Variants in RAVER2 observed in about 807,000 individuals in gnomAD.
RAVER2 encodes ribonucleoprotein, PTB binding 2, also known as ribonucleoprotein PTB-binding 2.
Under a neutral mutation model 78.1 loss-of-function variants are expected in RAVER2, and 46 were observed. That is an observed-to-expected ratio of 0.59 (90% confidence interval 0.46 to 0.75). The LOEUF is 0.75. RAVER2 is among the 30% of genes least tolerant of loss of function. The pLI, the probability that RAVER2 is intolerant of heterozygous loss-of-function variation, is 0.00. For missense variants in RAVER2, 793 were observed against 837.5 expected, an observed-to-expected ratio of 0.95 and a Z score of 0.66; for synonymous variants, 311 against 313.3, an observed-to-expected ratio of 0.99 and a Z score of 0.08.
chr1:64,812,692 C>A, intron 9 of RAVER2, 46 bp from the exon 10 acceptor site: 1 of 1,244,746 alleles, frequency 8.0e-7, no homozygotes, highest in Non-Finnish European at 1.2e-6. Flanking sequence ...TTTTTATTTT[C>A]GTGTACCTCT....
chr1:64,771,719 A>G (rs548220098), intron 2 of RAVER2, among the ~76,000 whole-genome samples: 14 of 152,168 alleles, frequency 9.2e-5, no homozygotes, highest in African/African-American at 3.1e-4. Context: ...CCGTTTGACA[A>G]TTGACTGTGA....
chr1:64,799,269 T>G (rs1653191383), intron 5 of RAVER2, among the ~76,000 whole-genome samples: 1 of 152,344 alleles, frequency 6.6e-6, no homozygotes, highest in Admixed American at 6.5e-5. Flanking sequence ...TTTTTTCTTA[T>G]GGCTGAATAG....
At chr1:64,790,101 A>T (rs1403062164) in intron 5 of RAVER2, among the ~76,000 whole-genome samples, 1 of 152,198 alleles carries the variant, frequency 6.6e-6, no homozygotes, top group Non-Finnish European at 1.5e-5. Flanking sequence ...ACAACTTTTT[A>T]TGTACAAAAA....
At chr1:64,762,273 C>T (rs1260716338) in intron 1 of RAVER2, among the ~76,000 whole-genome samples, 1 of 151,968 alleles carries the variant, frequency 6.6e-6, no homozygotes, top group East Asian at 1.9e-4. Flanking sequence ...TTTAAGAAGA[C>T]CTAAATAAAT....
intron 1 of RAVER2, among the ~76,000 whole-genome samples, chr1:64,753,827 T>C (rs1055737761): frequency 2.0e-5 from 3 of 152,170 alleles, no homozygotes; most frequent in Non-Finnish European, 4.4e-5. Context: ...CGGCCTCTCA[T>C]TTTTAACTTA....
intron 11 of RAVER2, among the ~76,000 whole-genome samples, chr1:64,823,700 A>C (rs1191200090): frequency 1.3e-5 from 2 of 152,232 alleles, no homozygotes; most frequent in Non-Finnish European, 2.9e-5. Context: ...TAAAATAGGT[A>C]AAAATATATC....
chr1:64,804,954 A>T, intron 7 of RAVER2, 37 bp from the exon 8 acceptor site: 1 of 1,585,488 alleles, frequency 6.3e-7, no homozygotes. Flanking sequence ...GTTATATCTT[A>T]TGGCCATGGG....
In RAVER2 at chr1:64,777,633, C is replaced by T. The variant is rs138011893; in HGVS notation, c.327C>T (p.Thr109=). 5.6e-4 allele frequency: 904 copies of T among 1,606,048 alleles called. 9 individuals are homozygous for T. The African/African-American group carries it at 0.01, about 18-fold the overall frequency. The change falls in exon 3 of 12, where the codon ACC becomes ACT. Residue 109 remains threonine (T), a synonymous_variant. Transcript: ENST00000294428. ...TTCGTTATCTTCCAGCTTTTGTTAC[C>T]TTATTGAATGGGGAACAAGCCCAGA...
At chr1:64,777,182 A>C (rs974020781) in intron 2 of RAVER2, among the ~76,000 whole-genome samples, 9 of 152,164 alleles carry the variant, frequency 5.9e-5, no homozygotes, top group Admixed American at 5.9e-4. Flanking sequence ...AGGCTCTTTT[A>C]GAACTCTTTC....
chr1:64,759,511 GC>G (rs1651956307), intron 1 of RAVER2, among the ~76,000 whole-genome samples: 1 of 149,678 alleles, frequency 6.7e-6, no homozygotes, highest in South Asian at 2.1e-4. Context: ...GAGCCACCGC[GC>G]CCGGCCTATT....
At chr1:64,833,095 T>TGTC (rs1326046288) in exon 12 of RAVER2, 6 of 168,594 alleles carry the variant, frequency 3.6e-5, no homozygotes, top group Non-Finnish European at 7.6e-5. Flanking sequence ...CAAGTGGTGT[T>TGTC]TGTTTGTTTG....
At chr1:64,752,099 C>G (rs1158958860) in intron 1 of RAVER2, among the ~76,000 whole-genome samples, 1 of 152,154 alleles carries the variant, frequency 6.6e-6, no homozygotes, top group African/African-American at 2.4e-5. Flanking sequence ...TGAATAGCTT[C>G]CATTTGCTCT....
At chr1:64,827,739 T>C (rs1654034479) in intron 11 of RAVER2, among the ~76,000 whole-genome samples, 1 of 152,236 alleles carries the variant, frequency 6.6e-6, no homozygotes, top group Non-Finnish European at 1.5e-5. Context: ...TTAAATCACA[T>C]ATAATCTGTG....
intron 1 of RAVER2, among the ~76,000 whole-genome samples, chr1:64,750,551 C>T (rs934537486): frequency 1.1e-4 from 16 of 151,922 alleles, no homozygotes; most frequent in Non-Finnish European, 2.1e-4. Flanking sequence ...ATAAAAGCTA[C>T]GTATTCCTGT....
chr1:64,750,950 A>G (rs1054302125), intron 1 of RAVER2, among the ~76,000 whole-genome samples: 20 of 152,172 alleles, frequency 1.3e-4, no homozygotes, highest in Non-Finnish European at 2.8e-4. Flanking sequence ...GTACTTCTAG[A>G]TTTCTGGGAC....
chr1:64,823,739 C>T (rs1653939819), intron 11 of RAVER2, among the ~76,000 whole-genome samples: 1 of 151,694 alleles, frequency 6.6e-6, no homozygotes, highest in Admixed American at 6.6e-5. Flanking sequence ...TGACATAGTC[C>T]CAATAATGTA....
chr1:64,803,371 TAACTC>T (rs1307458292), intron 6 of RAVER2, among the ~76,000 whole-genome samples: 2 of 152,122 alleles, frequency 1.3e-5, no homozygotes, highest in Non-Finnish European at 2.9e-5. Context: ...TATGTGGTCT[TAACTC>T]AAAAAAGTAT....
intron 5 of RAVER2, among the ~76,000 whole-genome samples, chr1:64,791,286 G>A (rs1431424358): frequency 2.0e-5 from 3 of 152,134 alleles, no homozygotes; most frequent in Non-Finnish European, 4.4e-5. Flanking sequence ...ATGTCAGTGT[G>A]ATTGATGGGC....
At chr1:64,768,533 A>ATT in intron 1 of RAVER2, 123 bp from the exon 2 acceptor site, 35 of 552,526 alleles carry the variant, frequency 6.3e-5, no homozygotes, top group East Asian at 1.0e-4. Flanking sequence ...CCATGAAATA[A>ATT]TTTTTTTTTT....
Sources: allele counts gnomAD v4.1 joint callset (sites outside exome capture counted in the v4.1 genomes callset), GRCh38; gene constraint gnomAD v4.1.1; transcripts MANE v1.5; gene names NCBI Gene and HGNC (gene_info 2026-07-23, HGNC 2026-07-21).